MAGI3: variants seen among roughly 807,000 people sequenced by gnomAD.
MAGI3 encodes the protein membrane associated guanylate kinase, WW and PDZ domain containing 3.
Under a neutral mutation model 121.8 loss-of-function variants are expected in MAGI3, and 43 were observed. The observed-to-expected ratio is 0.35, with a 90% CI of 0.28 to 0.46. The LOEUF is 0.46. MAGI3 is among the 20% of genes least tolerant of loss of function. The probability of loss-of-function intolerance (pLI) is 1.00; values close to 1 mark genes in which losing one functional copy is unlikely to be tolerated. For synonymous variants in MAGI3, 553 were observed against 639.3 expected, an observed-to-expected ratio of 0.86 and a Z score of 2.04; for missense variants, 1,547 against 1,797.3, an observed-to-expected ratio of 0.86 and a Z score of 2.52.
intron 1 of MAGI3, among the ~76,000 whole-genome samples, chr1:113,484,820 G>A (rs1254164308): frequency 6.7e-6 from 1 of 149,752 alleles, no homozygotes; most frequent in Non-Finnish European, 1.5e-5. Context: ...TGTGTCCCGG[G>A]TTCAAGCAAT....
intron 6 of MAGI3, among the ~76,000 whole-genome samples, chr1:113,596,449 G>A (rs1451868111): frequency 1.3e-5 from 2 of 152,004 alleles, no homozygotes; most frequent in East Asian, 3.9e-4. Context: ...TCTTAAACAG[G>A]CCACAAAAAA....
rs187901717 is a variant in MAGI3 at position 113,485,618 on chromosome 1, A to G, written c.317-63897A>G. ...CTTTCTCTCACTCTGTGGGTTGTCA[A>G]TTAACTCTGCTGATTATTTCTTTTG... On this transcript the variant is annotated intron_variant, in intron 1 of 20. Coordinates refer to ENST00000307546, the MANE Select transcript of MAGI3 (RefSeq NM_001142782.2). Among the ~76,000 whole-genome samples the G allele has an allele frequency of 2.4e-3, 360 of 152,272 alleles. 2 individuals are homozygous for G. The highest frequency in any genetic ancestry group is 8.1e-3 in the African/African-American group (338 of 41,558).
At chr1:113,425,443 C>T (rs141452266) in intron 1 of MAGI3, among the ~76,000 whole-genome samples, 3,526 of 151,494 alleles carry the variant, frequency 0.023, 131 homozygotes, top group African/African-American at 0.081. Context: ...CCACCACGCC[C>T]GGCTAATTTT....
intron 1 of MAGI3, among the ~76,000 whole-genome samples, chr1:113,507,049 T>G (rs1657368447): frequency 6.6e-6 from 1 of 152,050 alleles, no homozygotes; most frequent in African/African-American, 2.4e-5. Context: ...AGAGTTCTGC[T>G]CTGGAGCTTC....
chr1:113,646,904 C>A (rs1029084027), intron 12 of MAGI3, among the ~76,000 whole-genome samples: 2 of 152,084 alleles, frequency 1.3e-5, no homozygotes, highest in East Asian at 3.8e-4. Flanking sequence ...ATAGGACCTG[C>A]ACCCAAAAAT....
intron 1 of MAGI3, among the ~76,000 whole-genome samples, chr1:113,442,734 C>T (rs996793029): frequency 6.6e-6 from 1 of 151,962 alleles, no homozygotes; most frequent in Non-Finnish European, 1.5e-5. Context: ...CTCAGCCTCT[C>T]GAGTTGCTGG....
In MAGI3 at chr1:113,672,604, C is replaced by CT; in HGVS notation, c.2919-10dup. 1 of 1,605,576 alleles carries CT rather than the reference C, an allele frequency of 6.2e-7. No homozygotes were observed. The highest frequency in any genetic ancestry group is 8.5e-7 in the Non-Finnish European group (1 of 1,177,176). The stretch of plus-strand genomic sequence containing the variant: ...CAGTTCAGAGAGTGACTTGATTTCT[C>CT]TCTCTTGTAGAAGTGCCCTAGAAGG... On this transcript the variant is annotated splice_polypyrimidine_tract_variant and intron_variant, in intron 17 of 20. Coordinates refer to ENST00000307546, the MANE Select transcript of MAGI3 (RefSeq NM_001142782.2).
intron 1 of MAGI3, among the ~76,000 whole-genome samples, chr1:113,528,034 T>A (rs548033405): frequency 3.3e-4 from 51 of 152,288 alleles, no homozygotes; most frequent in Admixed American, 2.9e-3. Context: ...GCAAATTTTA[T>A]GACACTTTAA....
At chr1:113,508,853 CT>C (rs1454720808) in intron 1 of MAGI3, among the ~76,000 whole-genome samples, 3 of 151,988 alleles carry the variant, frequency 2.0e-5, no homozygotes, top group Non-Finnish European at 4.4e-5. Context: ...CTTCAGGAGC[CT>C]TTGTTGGATG....
At chr1:113,505,796 G>A (rs909265987) in intron 1 of MAGI3, among the ~76,000 whole-genome samples, 5 of 152,066 alleles carry the variant, frequency 3.3e-5, no homozygotes, top group African/African-American at 1.2e-4. Context: ...AGACCTTGAG[G>A]CCTTGACTTA....
chr1:113,585,536 T>C lies in MAGI3; in HGVS notation c.703T>C (p.Ser235Pro). 6.2e-7 allele frequency: 1 copy of C among 1,614,030 alleles called. No individual in the cohort carries two copies. Among genetic ancestry groups the C allele is most frequent in the Non-Finnish European group, 8.5e-7 (1 of 1,180,000 alleles). The change falls in exon 4 of 21, where the codon TCT becomes CCT. Residue 235 changes from serine (S) to proline (P), a missense_variant. By Grantham distance (74) the Ser-to-Pro change is moderately conservative. Coordinates refer to ENST00000307546, the MANE Select transcript of MAGI3 (RefSeq NM_001142782.2). ...SVSKMERMDS[S>P]LPEEEEDEDK... is the part of the protein sequence containing the mutation. ...CAGCAAGATGGAAAGAATGGATAGC[T>C]CTCTTCCTGAAGAGGAAGAAGATGA...
chr1:113,483,729 G>A (rs915044044), intron 1 of MAGI3, among the ~76,000 whole-genome samples: 2 of 152,180 alleles, frequency 1.3e-5, no homozygotes, highest in African/African-American at 4.8e-5. Context: ...GTTGAGGCAG[G>A]ATGAGGTGGT....
intron 1 of MAGI3, among the ~76,000 whole-genome samples, chr1:113,487,661 A>G (rs748431182): frequency 1.3e-5 from 2 of 152,254 alleles, no homozygotes; most frequent in Non-Finnish European, 2.9e-5. Context: ...ATAATACATT[A>G]TAACAAATTT....
intron 7 of MAGI3, among the ~76,000 whole-genome samples, chr1:113,616,532 A>T (rs1650480883): frequency 6.6e-6 from 1 of 152,224 alleles, no homozygotes; most frequent in Non-Finnish European, 1.5e-5. Context: ...TGTAGTAGTA[A>T]CACCAACTGC....
rs892386519 is a variant in MAGI3 at position 113,446,107 on chromosome 1, T to C, written c.316+54758T>C. Among the ~76,000 whole-genome samples, 3 of 152,238 alleles carry C rather than the reference T, an allele frequency of 2.0e-5. No homozygotes were observed. In the East Asian group the frequency reaches 5.8e-4, roughly 29 times the overall value. ...ATCATTAGTCCAAAAGCTAGTATTATTGTCACTTTGGTTTGTAACTCCACA... is the reference window on the plus strand; with the variant it reads ...ATCATTAGTCCAAAAGCTAGTATTACTGTCACTTTGGTTTGTAACTCCACA... On this transcript the variant is annotated intron_variant, in intron 1 of 20. Transcript: ENST00000307546.
intron 9 of MAGI3, among the ~76,000 whole-genome samples, chr1:113,637,792 G>C (rs2101814498): frequency 6.6e-6 from 1 of 152,244 alleles, no homozygotes; most frequent in South Asian, 2.1e-4. Flanking sequence ...GCTAGGTTGG[G>C]GAAGTTCTGC....
At chr1:113,627,287 G>A (rs1651303293) in intron 9 of MAGI3, among the ~76,000 whole-genome samples, 1 of 151,872 alleles carries the variant, frequency 6.6e-6, no homozygotes, top group African/African-American at 2.4e-5. Flanking sequence ...CATAGCAGTT[G>A]AGAAGATACT....
At chr1:113,448,210 T>C (rs1018192030) in intron 1 of MAGI3, among the ~76,000 whole-genome samples, 2 of 152,352 alleles carry the variant, frequency 1.3e-5, no homozygotes, top group South Asian at 2.1e-4. Context: ...TTTGGTGATC[T>C]TTCTATGTGA....
intron 1 of MAGI3, among the ~76,000 whole-genome samples, chr1:113,549,259 G>A (rs1021405907): frequency 6.6e-6 from 1 of 152,074 alleles, no homozygotes; most frequent in Non-Finnish European, 1.5e-5. Context: ...GAATATTTTT[G>A]TCACCTTCTC....
Sources: gnomAD v4.1 joint callset for allele counts (sites outside exome capture counted in the v4.1 genomes callset) on GRCh38, gnomAD v4.1.1 for gene constraint, MANE v1.5 for transcripts, NCBI Gene and HGNC (gene_info 2026-07-23, HGNC 2026-07-21) for gene names.